SEC23IP: variants seen among roughly 807,000 people sequenced by gnomAD.
SEC23IP encodes SEC23-interacting protein.
Under a neutral mutation model 113.4 loss-of-function variants are expected in SEC23IP, and 70 were observed. The observed-to-expected ratio is 0.62, with a 90% confidence interval of 0.51 to 0.75. SEC23IP has a LOEUF of 0.75. SEC23IP is among the 30% of genes least tolerant of loss of function. The probability of loss-of-function intolerance (pLI) is 0.00; values close to 1 mark genes in which losing one functional copy is unlikely to be tolerated. For synonymous variants in SEC23IP, 398 were observed against 421.0 expected (o/e 0.95, Z 0.67); for missense variants, 1,160 against 1,204.9 (o/e 0.96, Z 0.55).
intron 1 of SEC23IP, among the ~76,000 whole-genome samples, chr10:119,894,126 A>C (rs146552495): frequency 0.01 from 1,594 of 152,304 alleles, 14 homozygotes; most frequent in Middle Eastern, 0.017. Flanking sequence ...TAATTTTTGC[A>C]AAGCGCTAAG....
At chr10:119,919,303 A>G in intron 10 of SEC23IP, 141 bp from the exon 11 acceptor site, 2 of 772,696 alleles carry the variant, frequency 2.6e-6, no homozygotes, top group Non-Finnish European at 4.0e-6. Context: ...CAGAATATTC[A>G]AACTTTGAAT....
At position 119,926,019 on chromosome 10, in the gene SEC23IP, A is replaced by G. The variant is rs1321757673; in HGVS notation, c.2122-17A>G. 3.1e-6 allele frequency: 5 copies of G among 1,597,746 alleles called. No homozygotes were observed. The highest frequency in any genetic ancestry group is 4.3e-6 in the Non-Finnish European group (5 of 1,171,678). ...CTTTTTCTCATGATTATGTTACTAA[A>G]TTTTGGTATTTTACAGAAAAAAGCA... On this transcript the variant is annotated splice_polypyrimidine_tract_variant and intron_variant, in intron 12 of 18. Coordinates refer to ENST00000369075, the MANE Select transcript of SEC23IP (RefSeq NM_007190.4).
chr10:119,898,310 A>G, intron 1 of SEC23IP, 117 bp from the exon 2 acceptor site: 10 of 1,353,192 alleles, frequency 7.4e-6, no homozygotes, highest in Non-Finnish European at 9.6e-6. Context: ...TGTAATGCAG[A>G]AATAGCAAGT....
intron 1 of SEC23IP, among the ~76,000 whole-genome samples, chr10:119,895,425 C>G (rs1344168832): frequency 6.6e-6 from 1 of 152,186 alleles, no homozygotes; most frequent in Non-Finnish European, 1.5e-5. Context: ...TTGCCAGGCA[C>G]TGTTCCAGAA....
intron 18 of SEC23IP, among the ~76,000 whole-genome samples, chr10:119,938,282 G>A (rs1855861519): frequency 6.6e-6 from 1 of 152,110 alleles, no homozygotes; most frequent in South Asian, 2.1e-4. Context: ...GATTTTTTAG[G>A]ATGATGCTGG....
chr10:119,938,261 T>C (rs1176842331), intron 18 of SEC23IP, among the ~76,000 whole-genome samples: 1 of 152,180 alleles, frequency 6.6e-6, no homozygotes, highest in Non-Finnish European at 1.5e-5. Flanking sequence ...TAAGCTAATT[T>C]CTCTGCTTGG....
rs111856855 is a variant in SEC23IP, at chr10:119,907,546, C to G, written c.1102-1495C>G. ...TGAATCTCTCCCCAAGAGGTCCTCA[C>G]GCTTGTTCTTTATAGAAACTAGAAT... On this transcript the variant is annotated intron_variant, in intron 4 of 18. Transcript: ENST00000369075. Among the ~76,000 whole-genome samples the G allele has an allele frequency of 6.5e-3, 989 of 152,304 alleles. 8 individuals are homozygous for G. The highest frequency in any genetic ancestry group is 0.017 in the Middle Eastern group (5 of 294).
intron 10 of SEC23IP, among the ~76,000 whole-genome samples, chr10:119,919,082 CT>C (rs1177788606): frequency 6.7e-6 from 1 of 149,350 alleles, no homozygotes; most frequent in African/African-American, 2.5e-5. Flanking sequence ...CAACCTCCGC[CT>C]TTCGGTTTCA....
intron 15 of SEC23IP, among the ~76,000 whole-genome samples, chr10:119,931,152 A>T (rs1268965499): frequency 6.6e-6 from 1 of 151,898 alleles, no homozygotes; most frequent in Non-Finnish European, 1.5e-5. Flanking sequence ...TCATTTCTAA[A>T]TTGGAGTTTA....
At chr10:119,933,848 T>C in intron 18 of SEC23IP, 61 bp downstream of exon 18, 1 of 833,108 alleles carries the variant, frequency 1.2e-6, no homozygotes, top group South Asian at 1.9e-5. Flanking sequence ...ATCTGTTGTA[T>C]GGAGTTGATG....
In SEC23IP at chr10:119,943,634, A is replaced by T. The variant is rs1356186903; in HGVS notation, c.*3069A>T. The T allele has an allele frequency of 6.6e-6, 1 of 152,194 alleles. No homozygotes were observed. Among genetic ancestry groups the T allele is most frequent in the Admixed American group, 6.5e-5 (1 of 15,278 alleles). The allele number at this position is 152,194 out of a possible 1,614,324, so 9.4% of individuals were successfully genotyped here. Reference sequence around the variant, plus strand: ...AAAAATAAAACAGCAACTCTTGCAGATTTCCCGAATGTATTGGTCCCAGAG... The same window carrying T: ...AAAAATAAAACAGCAACTCTTGCAGTTTTCCCGAATGTATTGGTCCCAGAG... On this transcript the variant is annotated 3_prime_UTR_variant, in exon 19 of 19. Transcript: ENST00000369075.
At chr10:119,938,357 GTTCCCTCTTTCCA>G in intron 18 of SEC23IP, among the ~76,000 whole-genome samples, 1 of 152,044 alleles carries the variant, frequency 6.6e-6, no homozygotes, top group East Asian at 1.9e-4. Flanking sequence ...TGGAGTTTTT[GTTCCCTCTTTCCA>G]TTGTCAAGGA....
chr10:119,904,169 C>T lies in SEC23IP; in HGVS notation c.993C>T (p.Ala331=), dbSNP rs554501519. 6.2e-7 allele frequency: 1 copy of T among 1,614,202 alleles called. No homozygotes were observed. The highest frequency in any genetic ancestry group is 2.2e-5 in the East Asian group (1 of 44,888). The stretch of plus-strand genomic sequence containing the variant: ...TCTATGACCGAATAAGGAAGGCTGC[C>T]TACTGGGAAGAGGAGCCAGCCGAAG... ...VYLYDRIRKA[A]YWEEEPAEVR... The change falls in exon 4 of 19, where the codon GCC becomes GCT. Residue 331 remains alanine, a synonymous_variant. Transcript: ENST00000369075.
intron 18 of SEC23IP, among the ~76,000 whole-genome samples, chr10:119,936,873 CTTTATTTTAT>C (rs958156405): frequency 1.7e-4 from 25 of 151,232 alleles, no homozygotes; most frequent in South Asian, 4.2e-4. Flanking sequence ...CCTTTTCTTT[CTTTATTTTAT>C]TTTATTTTAT....
In SEC23IP at chr10:119,919,424, T is replaced by C. The variant is rs377273075; in HGVS notation, c.1873-20T>C. Reference sequence around the variant, plus strand: ...AGTTTTTCTGAGCTTGTAATGTTTTTCATACTTTTTTTTTTAAAGATGCCT... The same window carrying C: ...AGTTTTTCTGAGCTTGTAATGTTTTCCATACTTTTTTTTTTAAAGATGCCT... On this transcript the variant is annotated intron_variant, in intron 10 of 18. Transcript: ENST00000369075. 6.3e-7 allele frequency: 1 copy of C among 1,581,342 alleles called. No individual in the cohort carries two copies. The highest frequency in any genetic ancestry group is 8.5e-7 in the Non-Finnish European group (1 of 1,170,588).
intron 13 of SEC23IP, among the ~76,000 whole-genome samples, chr10:119,928,648 G>A (rs927100867): frequency 2.0e-5 from 3 of 152,320 alleles, no homozygotes; most frequent in East Asian, 1.9e-4. Context: ...CTTGGATTAT[G>A]CCATTCATTG....
At chr10:119,923,216 A>G (rs777998434) in intron 12 of SEC23IP, among the ~76,000 whole-genome samples, 69 of 152,138 alleles carry the variant, frequency 4.5e-4, no homozygotes, top group Non-Finnish European at 5.3e-4. Flanking sequence ...AAAAATCTAT[A>G]GAGTGATCTT....
At chr10:119,894,880 C>T (rs1301845632) in intron 1 of SEC23IP, among the ~76,000 whole-genome samples, 1 of 144,468 alleles carries the variant, frequency 6.9e-6, no homozygotes, top group Non-Finnish European at 1.5e-5. Flanking sequence ...GCTTTTGTTT[C>T]TTGGAGACAG....
intron 12 of SEC23IP, among the ~76,000 whole-genome samples, chr10:119,922,907 A>G (rs1441835376): frequency 6.6e-6 from 1 of 152,070 alleles, no homozygotes; most frequent in Admixed American, 6.6e-5. Flanking sequence ...TGAGACTAGG[A>G]CACAAGCATG....
Sources: allele counts gnomAD v4.1 joint callset (sites outside exome capture counted in the v4.1 genomes callset), GRCh38; gene constraint gnomAD v4.1.1; transcripts MANE v1.5; gene names NCBI Gene and HGNC (gene_info 2026-07-23, HGNC 2026-07-21).